Variants in LIMD1 observed in about 807,000 individuals in gnomAD.
The protein encoded by LIMD1 is LIM domain-containing protein 1.
Under a neutral mutation model 58.4 loss-of-function variants are expected in LIMD1, and 23 were observed. That is an observed-to-expected ratio of 0.39 (90% CI 0.28 to 0.56). LIMD1 has a LOEUF of 0.56. Ranked by LOEUF, LIMD1 falls within the 20% of genes least tolerant of loss-of-function variation. The pLI is 0.57. For missense variants in LIMD1, 838 were observed against 855.5 expected (o/e 0.98, Z 0.25); for synonymous variants, 334 against 345.5 (o/e 0.97, Z 0.37).
At chr3:45,644,835 G>A (rs1326226637) in intron 2 of LIMD1, among the ~76,000 whole-genome samples, 1 of 152,214 alleles carries the variant, frequency 6.6e-6, no homozygotes, top group Non-Finnish European at 1.5e-5. Context: ...ACAGAGACTG[G>A]ATTTTTGGCC....
At chr3:45,627,837 A>G (rs1267999022) in intron 1 of LIMD1, among the ~76,000 whole-genome samples, 1 of 151,640 alleles carries the variant, frequency 6.6e-6, no homozygotes, top group Non-Finnish European at 1.5e-5. Flanking sequence ...GCGAAACACC[A>G]TCTCTACTGA....
chr3:45,653,404 C>A (rs147864064), intron 2 of LIMD1, among the ~76,000 whole-genome samples: 2,425 of 152,226 alleles, frequency 0.016, 26 homozygotes, highest in Non-Finnish European at 0.024. Flanking sequence ...TACCAGGGAA[C>A]CTGAAGGGTT....
chr3:45,631,660 A>G (rs1156956489), intron 1 of LIMD1, among the ~76,000 whole-genome samples: 3 of 152,294 alleles, frequency 2.0e-5, no homozygotes, highest in Non-Finnish European at 2.9e-5. Flanking sequence ...AGAGGAAGCC[A>G]GAAGAGAGTG....
intron 1 of LIMD1, among the ~76,000 whole-genome samples, chr3:45,630,577 G>A (rs1355165044): frequency 3.9e-5 from 6 of 152,298 alleles, no homozygotes; most frequent in Middle Eastern, 3.4e-3. Context: ...AAAGATGGTC[G>A]TGTGTGCAAG....
intron 1 of LIMD1, among the ~76,000 whole-genome samples, chr3:45,604,040 CT>C (rs1701443555): frequency 6.6e-6 from 1 of 152,150 alleles, no homozygotes; most frequent in African/African-American, 2.4e-5. Flanking sequence ...CAAAAATGGG[CT>C]TTTAAACAAA....
chr3:45,596,364 G>A (rs936097984), intron 1 of LIMD1, 77 bp downstream of exon 1: 21 of 1,175,622 alleles, frequency 1.8e-5, no homozygotes, highest in Non-Finnish European at 2.4e-5. Flanking sequence ...CCCCTACCAG[G>A]GATGCTGTGG....
At chr3:45,608,385 G>C (rs1175040386) in intron 1 of LIMD1, among the ~76,000 whole-genome samples, 1 of 152,116 alleles carries the variant, frequency 6.6e-6, no homozygotes, top group Admixed American at 6.6e-5. Flanking sequence ...TATGGGCGGG[G>C]GCATCGCAGG....
At chr3:45,600,421 C>T (rs1701400025) in intron 1 of LIMD1, among the ~76,000 whole-genome samples, 1 of 152,138 alleles carries the variant, frequency 6.6e-6, no homozygotes, top group Admixed American at 6.5e-5. Context: ...CGGGAACTCT[C>T]CTGGCACTTT....
In LIMD1 at chr3:45,664,400, T is replaced by TAA. The variant is rs549842012; in HGVS notation, c.1511-1249_1511-1248insAA. On this transcript the variant is annotated intron_variant, in intron 2 of 7. Coordinates refer to ENST00000273317, the MANE Select transcript of LIMD1 (RefSeq NM_014240.3). ...TAACTCAACATGTACTGCACTCTGT[T>TAA]AGAGTATTGCCAAAGCTTCCCCTCC... 6.6e-5 allele frequency among the ~76,000 whole-genome samples: 10 copies of TAA among 152,328 alleles called. No homozygotes were observed. In the South Asian group the frequency reaches 1.5e-3, roughly 22 times the overall value.
intron 2 of LIMD1, among the ~76,000 whole-genome samples, chr3:45,638,491 T>C (rs1044765537): frequency 2.6e-5 from 4 of 152,236 alleles, no homozygotes; most frequent in Non-Finnish European, 5.9e-5. Context: ...ATGTCACTTT[T>C]TTATGGCTGT....
At chr3:45,659,735 C>T (rs1188669501) in intron 2 of LIMD1, among the ~76,000 whole-genome samples, 1 of 152,174 alleles carries the variant, frequency 6.6e-6, no homozygotes, top group Admixed American at 6.5e-5. Context: ...ATAACCATTC[C>T]TCTAAGGCTG....
chr3:45,615,867 C>A (rs1467238007), intron 1 of LIMD1, among the ~76,000 whole-genome samples: 1 of 152,056 alleles, frequency 6.6e-6, no homozygotes, highest in Non-Finnish European at 1.5e-5. Flanking sequence ...GAGGGGGTAC[C>A]TTTTACATGG....
intron 2 of LIMD1, among the ~76,000 whole-genome samples, chr3:45,662,155 AT>A (rs1264064268): frequency 1.3e-5 from 2 of 152,178 alleles, no homozygotes; most frequent in Non-Finnish European, 2.9e-5. Context: ...TTCTTTACCC[AT>A]TTTTTATATA....
chr3:45,618,134 C>T (rs1259786300), intron 1 of LIMD1, among the ~76,000 whole-genome samples: 1 of 152,140 alleles, frequency 6.6e-6, no homozygotes, highest in African/African-American at 2.4e-5. Context: ...TGGACACACT[C>T]AGCCGCCTGC....
intron 2 of LIMD1, among the ~76,000 whole-genome samples, chr3:45,658,804 C>G (rs1697387670): frequency 6.6e-6 from 1 of 151,918 alleles, no homozygotes; most frequent in Non-Finnish European, 1.5e-5. Flanking sequence ...ATCTGCCCGC[C>G]TTGGCCTCTC....
At chr3:45,656,416 A>G (rs4683134) in intron 2 of LIMD1, among the ~76,000 whole-genome samples, 37,400 of 151,504 alleles carry the variant, frequency 0.25, 5,577 homozygotes, top group East Asian at 0.54. Flanking sequence ...TTTTAGCTAC[A>G]TAGGTGAATT....
In LIMD1 at chr3:45,595,056, G is replaced by C; in HGVS notation, c.177G>C (p.Gln59His). The change falls in exon 1 of 8, where the codon CAG (glutamine) becomes CAC (histidine). Residue 59 changes from glutamine (Q) to histidine (H), a missense_variant. By Grantham distance (24) the Gln-to-His change is conservative. Transcript: ENST00000273317. ...AGATGGCCAAAATCCACCTCCAGCA[G>C]CAGCAGCAGCAGCTCCTGCAGGAGG... Reference protein sequence around the residue: ...ATKMAKIHLQQQQQQLLQEET... With the variant: ...ATKMAKIHLQHQQQQLLQEET... The C allele has an allele frequency of 6.2e-7, 1 of 1,613,574 alleles. No homozygotes were observed. The highest frequency in any genetic ancestry group is 8.5e-7 in the Non-Finnish European group (1 of 1,179,924).
At chr3:45,642,675 A>G (rs1405375444) in intron 2 of LIMD1, among the ~76,000 whole-genome samples, 7 of 152,314 alleles carry the variant, frequency 4.6e-5, no homozygotes, top group African/African-American at 1.4e-4. Context: ...TTTAAGTTAC[A>G]TGGTGATGGA....
intron 1 of LIMD1, among the ~76,000 whole-genome samples, chr3:45,624,971 T>C (rs758801921): frequency 6.6e-6 from 1 of 151,660 alleles, no homozygotes; most frequent in African/African-American, 2.4e-5. Context: ...GCTTTGGGTG[T>C]GCAGAAGATG....
Sources: gnomAD v4.1 joint callset for allele counts (sites outside exome capture counted in the v4.1 genomes callset) on GRCh38, gnomAD v4.1.1 for gene constraint, MANE v1.5 for transcripts, NCBI Gene and HGNC (gene_info 2026-07-23, HGNC 2026-07-21) for gene names.